Variants in GABRB2 observed in about 807,000 individuals in gnomAD.
The protein encoded by GABRB2 is gamma-aminobutyric acid receptor subunit beta-2.
Under a neutral mutation model 54.7 loss-of-function variants are expected in GABRB2, and 16 were observed. The observed-to-expected ratio is 0.29, with a 90% CI of 0.20 to 0.44. The LOEUF (loss-of-function observed/expected upper bound fraction) is 0.44. Among genes scored for constraint, GABRB2 ranks in the 20% least tolerant of loss-of-function variants. GABRB2 has a pLI of 1.00. For synonymous variants in GABRB2, 244 were observed against 233.8 expected, an observed-to-expected ratio of 1.04 and a Z score of -0.40; for missense variants, 355 against 644.0, an observed-to-expected ratio of 0.55 and a Z score of 4.86.
At chr5:161,397,753 A>G (rs1357259716) in intron 5 of GABRB2, among the ~76,000 whole-genome samples, 1 of 152,228 alleles carries the variant, frequency 6.6e-6, no homozygotes, top group Non-Finnish European at 1.5e-5. Flanking sequence ...CAGTGCTCGT[A>G]TGACTTAAGC....
At chr5:161,344,428 T>C (rs1014767394) in intron 5 of GABRB2, among the ~76,000 whole-genome samples, 6 of 152,086 alleles carry the variant, frequency 3.9e-5, no homozygotes, top group African/African-American at 1.4e-4. Flanking sequence ...CTGCATCTTT[T>C]ATTCATATTC....
At chr5:161,412,781 A>G (rs1162660867) in intron 4 of GABRB2, among the ~76,000 whole-genome samples, 2 of 152,138 alleles carry the variant, frequency 1.3e-5, no homozygotes, top group Non-Finnish European at 2.9e-5. Flanking sequence ...GTTAAAAATG[A>G]CCTTTTCTGA....
chr5:161,541,121 C>T (rs1760798401), intron 3 of GABRB2, among the ~76,000 whole-genome samples: 2 of 151,890 alleles, frequency 1.3e-5, no homozygotes, highest in Non-Finnish European at 1.5e-5. Context: ...GTTGGAATTA[C>T]AGGCGTCAGC....
chr5:161,474,679 T>C (rs769536253), intron 3 of GABRB2, among the ~76,000 whole-genome samples: 86 of 152,056 alleles, frequency 5.7e-4, no homozygotes, highest in Non-Finnish European at 9.6e-4. Context: ...TCGGTGATTG[T>C]TGGGAAATCA....
intron 3 of GABRB2, among the ~76,000 whole-genome samples, chr5:161,461,319 T>C (rs926723645): frequency 8.5e-5 from 13 of 152,152 alleles, no homozygotes; most frequent in African/African-American, 3.1e-4. Flanking sequence ...TACGGACAAG[T>C]AGGCTGGGCT....
At chr5:161,407,044 T>C (rs1189836538) in intron 5 of GABRB2, among the ~76,000 whole-genome samples, 1 of 152,100 alleles carries the variant, frequency 6.6e-6, no homozygotes, top group East Asian at 1.9e-4. Flanking sequence ...ACGTAATGAA[T>C]GAACAAGAAA....
At chr5:161,542,063 G>T (rs1252024917) in intron 3 of GABRB2, among the ~76,000 whole-genome samples, 1 of 152,148 alleles carries the variant, frequency 6.6e-6, no homozygotes, top group Admixed American at 6.5e-5. Context: ...CACAGAGAGG[G>T]AGACGGACAG....
chr5:161,298,591 G>A (rs557792011), intron 9 of GABRB2, among the ~76,000 whole-genome samples: 77 of 152,316 alleles, frequency 5.1e-4, no homozygotes, highest in African/African-American at 1.8e-3. Flanking sequence ...TGCAACACCA[G>A]CCTAAAGACT....
At position 161,440,939 on chromosome 5, in the gene GABRB2, C is replaced by T. The variant is rs184573926; in HGVS notation, c.458+18685G>A. 3.3e-5 allele frequency among the ~76,000 whole-genome samples: 5 copies of T among 152,270 alleles called. No individual in the cohort carries two copies. In the East Asian group the frequency reaches 9.6e-4, roughly 29 times the overall value. On this transcript the variant is annotated intron_variant, in intron 4 of 9. Coordinates refer to ENST00000393959, the MANE Select transcript of GABRB2 (RefSeq NM_001371727.1). Reference sequence around the variant, plus strand: ...ATAAGCAAAATACTAAACTAGACCCCTATGTATCACCATATACAAAAATAA... The same window carrying T: ...ATAAGCAAAATACTAAACTAGACCCTTATGTATCACCATATACAAAAATAA...
chr5:161,523,050 T>C (rs1760167330), intron 3 of GABRB2, among the ~76,000 whole-genome samples: 1 of 151,574 alleles, frequency 6.6e-6, no homozygotes, highest in South Asian at 2.1e-4. Flanking sequence ...ATTTTTGGAA[T>C]CTTTTGAGCT....
At chr5:161,546,902 C>T (rs1339555304), upstream of GABRB2, 1 of 559,758 alleles carries the variant, frequency 1.8e-6, no homozygotes, top group Non-Finnish European at 2.7e-6. Flanking sequence ...ACAGCAGCAT[C>T]CAGAATAAAA....
chr5:161,463,711 CTGTGTGGTAGTATTG>C (rs1398837573), intron 3 of GABRB2, among the ~76,000 whole-genome samples: 10 of 149,700 alleles, frequency 6.7e-5, no homozygotes, highest in Admixed American at 2.7e-4. Flanking sequence ...AATACTACCA[CTGTGTGGTAGTATTG>C]ATAGAAACAT....
At chr5:161,374,774 T>C (rs576274178) in intron 5 of GABRB2, among the ~76,000 whole-genome samples, 2 of 152,192 alleles carry the variant, frequency 1.3e-5, no homozygotes, top group Non-Finnish European at 2.9e-5. Flanking sequence ...GTCTTACTGA[T>C]CTTCATGGGT....
At chr5:161,373,799 T>A (rs1473031143) in intron 5 of GABRB2, among the ~76,000 whole-genome samples, 1 of 152,184 alleles carries the variant, frequency 6.6e-6, no homozygotes, top group Non-Finnish European at 1.5e-5. Flanking sequence ...TCCAGCCTTT[T>A]CAGAGCACAG....
intron 3 of GABRB2, among the ~76,000 whole-genome samples, chr5:161,463,318 CA>C (rs1758170450): frequency 4.7e-5 from 2 of 42,552 alleles, no homozygotes; most frequent in African/African-American, 4.2e-4. Context: ...ACACACACAC[CA>C]CACACACACA....
At chr5:161,447,632 T>C (rs1757673635) in intron 4 of GABRB2, among the ~76,000 whole-genome samples, 1 of 152,140 alleles carries the variant, frequency 6.6e-6, no homozygotes, top group Non-Finnish European at 1.5e-5. Flanking sequence ...ATTAACCTAT[T>C]ACACCGGTTT....
At chr5:161,351,527 A>G (rs1754469010) in intron 5 of GABRB2, among the ~76,000 whole-genome samples, 1 of 152,132 alleles carries the variant, frequency 6.6e-6, no homozygotes, top group East Asian at 1.9e-4. Flanking sequence ...CCCTTGTTCC[A>G]TGCCAGATAC....
chr5:161,459,520 A>G lies in GABRB2; in HGVS notation c.458+104T>C. The G allele has an allele frequency of 3.1e-6, 3 of 953,298 alleles. No homozygotes were observed. In the East Asian group the frequency reaches 7.8e-5, roughly 25 times the overall value. 59.1% of individuals were successfully genotyped at this position (953,298 alleles called of 1,614,324 possible). On this transcript the variant is annotated intron_variant, in intron 4 of 9. Coordinates refer to ENST00000393959, the MANE Select transcript of GABRB2 (RefSeq NM_001371727.1). ...ATAGGAGGCTTAACTGTTTCTTAGT[A>G]GAATTGAAGAAAGATAAGGAAAATA...
intron 3 of GABRB2, among the ~76,000 whole-genome samples, chr5:161,483,441 G>T (rs573282520): frequency 1.3e-4 from 20 of 152,000 alleles, no homozygotes; most frequent in African/African-American, 4.8e-4. Flanking sequence ...TGAAACCAGG[G>T]GCAAGGGGGT....
Sources: allele counts gnomAD v4.1 joint callset (sites outside exome capture counted in the v4.1 genomes callset), GRCh38; gene constraint gnomAD v4.1.1; transcripts MANE v1.5; gene names NCBI Gene and HGNC (gene_info 2026-07-23, HGNC 2026-07-21).